USP9Y: variants seen among roughly 807,000 people sequenced by gnomAD.
The protein encoded by USP9Y is ubiquitin carboxyl-terminal hydrolase 9Y.
USP9Y carries 41 observed loss-of-function variants against 53.1 expected under a neutral mutation model. The ratio of observed to expected loss-of-function variants is 0.77; its 90% CI spans 0.60 to 1.00. The LOEUF (loss-of-function observed/expected upper bound fraction) is 1.00. Among genes scored for constraint, USP9Y ranks in the 50% least tolerant of loss-of-function variants. USP9Y has a pLI of 0.00. For synonymous variants in USP9Y, 220 were observed against 173.7 expected (o/e 1.27, Z -2.09); for missense variants, 567 against 535.8 (o/e 1.06, Z -0.58).
At chrY:12,734,867 C>T (rs2053450000) in intron 7 of USP9Y, among the ~76,000 whole-genome samples, 7 of 31,743 alleles carry the variant, frequency 2.2e-4, no homozygotes, top group Non-Finnish European at 7.6e-5. Flanking sequence ...GTCAGGAGTT[C>T]GAGACCAGCC....
intron 12 of USP9Y, among the ~76,000 whole-genome samples, chrY:12,752,862 CT>C (rs2053465360): frequency 3.0e-5 from 1 of 33,715 alleles, no homozygotes; most frequent in Non-Finnish European, 7.3e-5. Context: ...TTATCTCCCC[CT>C]TTTTTGTAGA....
Position 12,758,611 on chromosome Y carries a change from A to T in USP9Y, c.1735A>T (p.Ser579Cys), listed in dbSNP as rs1245135761. The T allele has an allele frequency of 2.6e-6, 1 of 386,361 alleles. No homozygotes were observed. The highest frequency in any genetic ancestry group is 7.8e-5 in the Admixed American group (1 of 12,867). ...PALKQIREICSLFGEASQNLS... is the reference protein window; with the variant it reads ...PALKQIREICCLFGEASQNLS... ...TCTGAAACAAATAAGAGAAATTTGT[A>T]GTTTGTTTGGTGAAGCATCTCAAAA... Residue 579 changes from serine to cysteine, a missense_variant, in exon 14 of 46, where the codon AGT becomes TGT. Transcript: ENST00000338981.
chrY:12,809,906 T>C (rs2053528114), intron 27 of USP9Y, among the ~76,000 whole-genome samples: 1 of 33,176 alleles, frequency 3.0e-5, no homozygotes, highest in Non-Finnish European at 7.5e-5. Flanking sequence ...CGACCCCTGA[T>C]TCACAGTAAA....
chrY:12,709,662 G>T, intron 3 of USP9Y, 119 bp downstream of exon 3: 2 of 188,484 alleles, frequency 1.1e-5, no homozygotes, highest in South Asian at 7.8e-5. Flanking sequence ...CGTGAAAAAA[G>T]TGACTGTGGG....
In USP9Y at chrY:12,773,881, A is replaced by G. The variant is rs762094859; in HGVS notation, c.2287A>G (p.Met763Val). 1 of 398,067 alleles carries G rather than the reference A, an allele frequency of 2.5e-6. No individual in the cohort carries two copies. The highest frequency in any genetic ancestry group is 6.1e-5 in the African/African-American group (1 of 16,296). Residue 763 changes from methionine to valine, a missense_variant, in exon 17 of 46, where the codon ATG becomes GTG. By Grantham distance (21) the Met-to-Val change is conservative. Transcript: ENST00000338981. The stretch of plus-strand genomic sequence containing the variant: ...ACTAATAGCAAAAAGAAGATCCTAT[A>G]TGATGGATGATTTGGAATTAATTGG... ...RKLIAKRRSY[M>V]MDDLELIGLD...
chrY:12,829,462 A>G (rs2053549336), intron 33 of USP9Y, among the ~76,000 whole-genome samples: 1 of 33,982 alleles, frequency 2.9e-5, no homozygotes, highest in African/African-American at 1.1e-4. Flanking sequence ...GTGAACCTCA[A>G]CCTGTGCCTT....
chrY:12,791,571 G>A lies in USP9Y; in HGVS notation c.3760G>A (p.Ala1254Thr), dbSNP rs775013492. 1 of 391,529 alleles carries A rather than the reference G, an allele frequency of 2.6e-6. No individual in the cohort carries two copies. Among genetic ancestry groups the A allele is most frequent in the Admixed American group, 7.6e-5 (1 of 13,116 alleles). The stretch of plus-strand genomic sequence containing the variant: ...AATTATCTGGGCATCAGCATGTGGG[G>A]CATTAGGACTAGTTTTTAGCCCAAA... ...QKIIWASACG[A>T]LGLVFSPNEE... is the part of the protein sequence containing the mutation. The change falls in exon 26 of 46, where the codon GCA becomes ACA. Residue 1254 changes from alanine to threonine, a missense_variant. Coordinates refer to ENST00000338981, the MANE Select transcript of USP9Y (RefSeq NM_004654.4).
intron 12 of USP9Y, among the ~76,000 whole-genome samples, chrY:12,745,715 C>G: frequency 5.9e-5 from 2 of 34,035 alleles, no homozygotes; most frequent in African/African-American, 2.3e-4. Context: ...TTTAAAGGAA[C>G]CAGGCAGAAA....
intron 42 of USP9Y, among the ~76,000 whole-genome samples, chrY:12,856,047 G>C (rs944716758): frequency 2.8e-4 from 9 of 32,562 alleles, no homozygotes. Context: ...TTTGTGAGCA[G>C]CTGGTTAGCA....
chrY:12,799,846 C>T, intron 27 of USP9Y, among the ~76,000 whole-genome samples: 1 of 33,758 alleles, frequency 3.0e-5, no homozygotes, highest in Non-Finnish European at 7.4e-5. Flanking sequence ...GGACAATGAT[C>T]GGGATATAAA....
At chrY:12,763,768 G>A in intron 15 of USP9Y, among the ~76,000 whole-genome samples, 1 of 25,876 alleles carries the variant, frequency 3.9e-5, no homozygotes, top group African/African-American at 1.6e-4. Context: ...TGCCTCCCAG[G>A]TTCAAGTGAT....
intron 24 of USP9Y, among the ~76,000 whole-genome samples, chrY:12,788,101 TA>T: frequency 2.9e-5 from 1 of 34,089 alleles, no homozygotes; most frequent in Non-Finnish European, 7.3e-5. Context: ...AAAAGCTTTT[TA>T]TGCTATTAAG....
At chrY:12,802,085 A>G (rs867955775) in intron 27 of USP9Y, 1 of 34,316 alleles carries the variant, frequency 2.9e-5, no homozygotes, top group Non-Finnish European at 7.3e-5. Flanking sequence ...TTCCAACTCA[A>G]TCTTCACATT....
chrY:12,771,319 G>T (rs2053485883), intron 16 of USP9Y, among the ~76,000 whole-genome samples, 164 bp downstream of exon 16: 1 of 33,728 alleles, frequency 3.0e-5, no homozygotes, highest in South Asian at 6.6e-4. Context: ...AACCTCTCCA[G>T]GAGGTGATCT....
At chrY:12,713,867 GGAC>G (rs2053427825) in intron 3 of USP9Y, among the ~76,000 whole-genome samples, 1 of 28,250 alleles carries the variant, frequency 3.5e-5, no homozygotes, top group Non-Finnish European at 8.3e-5. Flanking sequence ...ACTAATTTGG[GGAC>G]TTTTTTAGTT....
intron 27 of USP9Y, among the ~76,000 whole-genome samples, chrY:12,797,287 A>C (rs942919985): frequency 3.0e-5 from 1 of 33,270 alleles, no homozygotes; most frequent in African/African-American, 1.2e-4. Context: ...ACATGTGCCC[A>C]AGGTGGTCGG....
chrY:12,747,421 AG>A (rs2053461408), intron 12 of USP9Y, among the ~76,000 whole-genome samples: 1 of 33,679 alleles, frequency 3.0e-5, no homozygotes, highest in East Asian at 7.8e-4. Context: ...AAGTCATTCT[AG>A]GGTCTTTCAT....
At chrY:12,745,323 G>C in intron 12 of USP9Y, among the ~76,000 whole-genome samples, 1 of 33,829 alleles carries the variant, frequency 3.0e-5, no homozygotes, top group South Asian at 6.6e-4. Context: ...CTTCCACAAG[G>C]ACTCTCAGAT....
chrY:12,814,161 G>C, intron 31 of USP9Y, among the ~76,000 whole-genome samples: 1 of 33,364 alleles, frequency 3.0e-5, no homozygotes, highest in Non-Finnish European at 7.4e-5. Context: ...TTTTAAAAAC[G>C]CTTCTTTTGT....
Sources: gnomAD v4.1 joint callset for allele counts (sites outside exome capture counted in the v4.1 genomes callset) on GRCh38, gnomAD v4.1.1 for gene constraint, MANE v1.5 for transcripts, NCBI Gene and HGNC (gene_info 2026-07-23, HGNC 2026-07-21) for gene names.